FBXO8: variants seen among roughly 807,000 people sequenced by gnomAD.
FBXO8 encodes F-box protein 8, also known as F-box only protein 8.
A neutral mutation model predicts 33.4 loss-of-function variants in FBXO8; 15 were observed. The ratio of observed to expected loss-of-function variants is 0.45; its 90% confidence interval spans 0.30 to 0.69. The LOEUF (loss-of-function observed/expected upper bound fraction) is 0.69, where lower values mean the gene tolerates loss of function less well. Ranked by LOEUF, FBXO8 falls within the 30% of genes least tolerant of loss-of-function variation. The pLI, the probability that FBXO8 is intolerant of heterozygous loss-of-function variation, is 0.08. For synonymous variants in FBXO8, 132 were observed against 131.5 expected (o/e 1.00, Z -0.02); for missense variants, 274 against 380.3 (o/e 0.72, Z 2.32).
rs975080236 is a variant in FBXO8, at chr4:174,275,198, G to T, written c.-9+8212C>A. 9.9e-5 allele frequency among the ~76,000 whole-genome samples: 15 copies of T among 152,168 alleles called. No homozygotes were observed. The highest frequency in any genetic ancestry group is 3.6e-4 in the African/African-American group (15 of 41,434). On this transcript the variant is annotated intron_variant, in intron 1 of 5. Coordinates refer to ENST00000393674, the MANE Select transcript of FBXO8 (RefSeq NM_012180.3). This position sits in a 1 kb window ranked among gnomAD's most constrained non-coding sequence, Gnocchi z 4.4. ...TGGCAAATAAGCACATGGTAAGATG[G>T]TCAACATCATTAGCCAGGAGAGAGG...
At chr4:174,264,825 T>C (rs1180348493) in intron 1 of FBXO8, among the ~76,000 whole-genome samples, 1 of 133,904 alleles carries the variant, frequency 7.5e-6, no homozygotes, top group Non-Finnish European at 1.6e-5. Flanking sequence ...ATCGGGAAAA[T>C]AAAAAGACAA....
chr4:174,268,638 G>T (rs893125634), intron 1 of FBXO8, among the ~76,000 whole-genome samples: 15 of 152,008 alleles, frequency 9.9e-5, no homozygotes, highest in Non-Finnish European at 1.6e-4. Context: ...GGGTTTCACC[G>T]TGTTAGCCAG....
At position 174,259,805 on chromosome 4, in the gene FBXO8, C is replaced by A. The variant is rs753645296; in HGVS notation, c.350G>T (p.Gly117Val). ...LWQGLCKSTW[G>V]HCSIYNKNPP... ...GTTCTTATTGTATATGGAACAGTGACCCCAAGTGGATTTGCACAACCTATA... is the reference window on the plus strand; with the variant it reads ...GTTCTTATTGTATATGGAACAGTGAACCCAAGTGGATTTGCACAACCTATA... Residue 117 changes from glycine (G) to valine (V), a missense_variant, in exon 3 of 6, where the codon GGT (glycine) becomes GTT (valine). Around this residue, in one of 2 missense-constraint regions of FBXO8, gnomAD observed 186 missense variants for 293.4 expected, o/e 0.63. Coordinates refer to ENST00000393674, the MANE Select transcript of FBXO8 (RefSeq NM_012180.3). This position sits in a 1 kb window ranked among gnomAD's most constrained non-coding sequence, Gnocchi z 4.3. 1.3e-6 allele frequency: 2 copies of A among 1,594,336 alleles called. No individual in the cohort carries two copies. The highest frequency in any genetic ancestry group is 2.7e-5 in the African/African-American group (2 of 73,520).
rs1579035970 is a variant in FBXO8, at chr4:174,270,260, G to A, written c.-8-7160C>T. ...GCTTACATTTCAAACTTAACTTTCT[G>A]TTCCTAAAGTCCTATGCTGCTGTGG... On this transcript the variant is annotated intron_variant, in intron 1 of 5. Transcript: ENST00000393674. The surrounding 1 kb of genome is among the most constrained non-coding windows in gnomAD (Gnocchi z 4.6). Among the ~76,000 whole-genome samples the A allele has an allele frequency of 6.6e-6, 1 of 152,280 alleles. No individual in the cohort carries two copies. The highest frequency in any genetic ancestry group is 6.5e-5 in the Admixed American group (1 of 15,298).
In FBXO8 at chr4:174,237,257, A is replaced by T; in HGVS notation, c.*155T>A. 1 of 585,382 alleles carries T rather than the reference A, an allele frequency of 1.7e-6. No homozygotes were observed. Among genetic ancestry groups the T allele is most frequent in the Non-Finnish European group, 2.8e-6 (1 of 354,634 alleles). 36.3% of individuals were successfully genotyped at this position (585,382 alleles called of 1,614,324 possible). The stretch of plus-strand genomic sequence containing the variant: ...TATTTAGTTCCCCAAGGAAATTACT[A>T]AAATAGAAAATGGCAAAAGAAAAAA... On this transcript the variant is annotated 3_prime_UTR_variant, in exon 6 of 6. Coordinates refer to ENST00000393674, the MANE Select transcript of FBXO8 (RefSeq NM_012180.3). This position sits in a 1 kb window ranked among gnomAD's most constrained non-coding sequence, Gnocchi z 4.4.
chr4:174,237,699 A>C lies in FBXO8; in HGVS notation c.773-100T>G. ...AAAATGTTCATAATTTCAAGATATC[A>C]AGATTAGCTCATAAATACAGAGTGA... On this transcript the variant is annotated intron_variant, in intron 5 of 5. Transcript: ENST00000393674. The surrounding 1 kb of genome is among the most constrained non-coding windows in gnomAD (Gnocchi z 4.4). The C allele has an allele frequency of 6.0e-6, 6 of 1,002,698 alleles. No homozygotes were observed. The highest frequency in any genetic ancestry group is 8.7e-6 in the Non-Finnish European group (6 of 692,418). The allele number at this position is 1,002,698 out of a possible 1,614,324, so 62.1% of individuals were successfully genotyped here. A position where few individuals can be genotyped will look rare whatever the true frequency, so the allele number is the denominator to read the frequency against.
intron 3 of FBXO8, among the ~76,000 whole-genome samples, chr4:174,258,242 T>C (rs1736462744): frequency 6.6e-6 from 1 of 152,174 alleles, no homozygotes. Flanking sequence ...TATGTTTACA[T>C]GGACAGTAAC....
At chr4:174,276,580 GT>G (rs1736966210) in intron 1 of FBXO8, among the ~76,000 whole-genome samples, 1 of 152,090 alleles carries the variant, frequency 6.6e-6, no homozygotes, top group African/African-American at 2.4e-5. Context: ...TTTAGATTTT[GT>G]TTTGTTTTGT....
Position 174,267,723 on chromosome 4 carries a change from G to A in FBXO8, c.-8-4623C>T, listed in dbSNP as rs1211293252. ...TTCAAAGTATAAAGTTTTCAGATTT[G>A]TGTTAAAAGTTTTAATAATATCTTG... On this transcript the variant is annotated intron_variant, in intron 1 of 5. Coordinates refer to ENST00000393674, the MANE Select transcript of FBXO8 (RefSeq NM_012180.3). This position sits in a 1 kb window ranked among gnomAD's most constrained non-coding sequence, Gnocchi z 4.7. 6.6e-6 allele frequency among the ~76,000 whole-genome samples: 1 copy of A among 151,244 alleles called. No individual in the cohort carries two copies. The highest frequency in any genetic ancestry group is 1.9e-4 in the East Asian group (1 of 5,200).
chr4:174,282,593 C>T (rs987724324), intron 1 of FBXO8, among the ~76,000 whole-genome samples: 10 of 142,922 alleles, frequency 7.0e-5, no homozygotes, highest in African/African-American at 2.3e-4. Flanking sequence ...TGTAGAGCTC[C>T]TACCTCAGAA....
chr4:174,246,479 G>A (rs1015562906), intron 3 of FBXO8, among the ~76,000 whole-genome samples: 1 of 151,466 alleles, frequency 6.6e-6, no homozygotes, highest in Non-Finnish European at 1.5e-5. Context: ...AATCCAAGAA[G>A]AAAACAAAAG....
At chr4:174,246,454 T>C (rs540974587) in intron 3 of FBXO8, among the ~76,000 whole-genome samples, 57 of 152,060 alleles carry the variant, frequency 3.7e-4, no homozygotes, top group African/African-American at 1.3e-3. Flanking sequence ...CTTTCCACAC[T>C]GTAGCAGAGG....
chr4:174,277,479 TGAA>T lies in FBXO8; in HGVS notation c.-9+5928_-9+5930del, dbSNP rs1412934148. On this transcript the variant is annotated intron_variant, in intron 1 of 5. Transcript: ENST00000393674. The surrounding 1 kb of genome is among the most constrained non-coding windows in gnomAD (Gnocchi z 4.9). The stretch of plus-strand genomic sequence containing the variant: ...CACATGCTGTGCAGACAATAAGTAA[TGAA>T]GAATGGTTTATATACTATTTGGGCA... Among the ~76,000 whole-genome samples, 3 of 152,060 alleles carry T rather than the reference TGAA, an allele frequency of 2.0e-5. No homozygotes were observed. Among genetic ancestry groups the T allele is most frequent in the African/African-American group, 7.2e-5 (3 of 41,426 alleles).
intron 1 of FBXO8, among the ~76,000 whole-genome samples, chr4:174,271,295 T>C (rs1736834524): frequency 6.6e-6 from 1 of 152,146 alleles, no homozygotes; most frequent in South Asian, 2.1e-4. Context: ...CTTATGTACC[T>C]TGCAGAAACC....
intron 1 of FBXO8, among the ~76,000 whole-genome samples, chr4:174,268,519 G>T (rs1255477577): frequency 6.6e-6 from 1 of 152,024 alleles, no homozygotes; most frequent in East Asian, 1.9e-4. Flanking sequence ...TGCAAGTTCC[G>T]CCTCCCTCCC....
In FBXO8 at chr4:174,259,949, A is replaced by C; in HGVS notation, c.330-124T>G. 1 of 1,097,660 alleles carries C rather than the reference A, an allele frequency of 9.1e-7. No homozygotes were observed. The highest frequency in any genetic ancestry group is 1.3e-6 in the Non-Finnish European group (1 of 790,056). The allele number at this position is 1,097,660 out of a possible 1,614,324, so 68.0% of individuals were successfully genotyped here. A position where few individuals can be genotyped will look rare whatever the true frequency, so the allele number is the denominator to read the frequency against. ...TTGAATTTTATAGTTCTAAAGTTTA[A>C]AATTTTTAAGTTTGTACTTGTTTTC... On this transcript the variant is annotated intron_variant, in intron 2 of 5. Transcript: ENST00000393674. The surrounding 1 kb of genome is among the most constrained non-coding windows in gnomAD (Gnocchi z 4.3).
At position 174,253,755 on chromosome 4, in the gene FBXO8, T is replaced by C. The variant is rs1386652933; in HGVS notation, c.456+5944A>G. 6.6e-6 allele frequency among the ~76,000 whole-genome samples: 1 copy of C among 152,224 alleles called. No individual in the cohort carries two copies. The highest frequency in any genetic ancestry group is 2.4e-5 in the African/African-American group (1 of 41,462). ...GCTCGTGTGATTCAATTATGTTCTA[T>C]AAGAAATGAGTAGAAGTACGCCAAA... On this transcript the variant is annotated intron_variant, in intron 3 of 5. Transcript: ENST00000393674. The surrounding 1 kb of genome is among the most constrained non-coding windows in gnomAD (Gnocchi z 4.5).
chr4:174,252,356 A>G lies in FBXO8; in HGVS notation c.456+7343T>C, dbSNP rs1226288209. The stretch of plus-strand genomic sequence containing the variant: ...TGGATAATAATAATAGCAATAATAC[A>G]TCAAGATGTTTTTGGTTATAAACAA... On this transcript the variant is annotated intron_variant, in intron 3 of 5. Transcript: ENST00000393674. The surrounding 1 kb of genome is among the most constrained non-coding windows in gnomAD (Gnocchi z 5.1). Among the ~76,000 whole-genome samples, 8 of 152,204 alleles carry G rather than the reference A, an allele frequency of 5.3e-5. No individual in the cohort carries two copies. Among genetic ancestry groups the G allele is most frequent in the Non-Finnish European group, 1.2e-4 (8 of 68,038 alleles).
rs1050876563 is a variant in FBXO8, at chr4:174,249,268, C to G, written c.457-8050G>C. Among the ~76,000 whole-genome samples, 3 of 152,040 alleles carry G rather than the reference C, an allele frequency of 2.0e-5. No homozygotes were observed. In the South Asian group the frequency reaches 6.2e-4, roughly 31 times the overall value. On this transcript the variant is annotated intron_variant, in intron 3 of 5. Transcript: ENST00000393674. ...AAAAAAGTTGCTGCTAGTTGAGTCA[C>G]GCTTCTTGGAAAAGCCCCCTCTATC...
Sources: allele counts gnomAD v4.1 joint callset (sites outside exome capture counted in the v4.1 genomes callset), GRCh38; gene constraint gnomAD v4.1.1; regional missense constraint gnomAD v4.1.1; non-coding constraint Gnocchi (gnomAD v3.1); transcripts MANE v1.5; gene names NCBI Gene and HGNC (gene_info 2026-07-23, HGNC 2026-07-21).